POLB: variants seen among roughly 807,000 people sequenced by gnomAD.
POLB encodes DNA polymerase beta.
Under a neutral mutation model 52.7 loss-of-function variants are expected in POLB, and 37 were observed. The ratio of observed to expected loss-of-function variants is 0.70; its 90% confidence interval spans 0.54 to 0.92. The LOEUF is 0.92. Among genes scored for constraint, POLB ranks in the 40% least tolerant of loss-of-function variants. The probability of loss-of-function intolerance (pLI) is 0.00; values close to 1 mark genes in which losing one functional copy is unlikely to be tolerated. For synonymous variants in POLB, 138 were observed against 131.3 expected, an observed-to-expected ratio of 1.05 and a Z score of -0.35; for missense variants, 313 against 400.8, an observed-to-expected ratio of 0.78 and a Z score of 1.87.
intron 7 of POLB, among the ~76,000 whole-genome samples, chr8:42,356,092 G>T (rs1823299654): frequency 6.6e-6 from 1 of 152,154 alleles, no homozygotes; most frequent in Non-Finnish European, 1.5e-5. Flanking sequence ...GATATAGTCT[G>T]GGAACCCCTT....
At chr8:42,354,801 C>A (rs971006978) in intron 6 of POLB, among the ~76,000 whole-genome samples, 4 of 151,972 alleles carry the variant, frequency 2.6e-5, no homozygotes, top group African/African-American at 9.7e-5. Context: ...CTCAGCCTCC[C>A]AAAATGCTGG....
chr8:42,350,052 G>T lies in POLB; in HGVS notation c.307G>T (p.Val103Phe). ...TTCATCCATCAATTTCCTGACTCGA[G>T]TTAGTGGCATTGGGTAAGAACTATT... ...TSSSINFLTR[V>F]SGIGPSAARK... Residue 103 changes from valine to phenylalanine, a missense_variant, in exon 5 of 14, where the codon GTT becomes TTT. This residue lies in a region of POLB where 246 missense variants were observed against 297.6 expected (regional missense o/e 0.83). Transcript: ENST00000265421. 1 of 1,601,810 alleles carries T rather than the reference G, an allele frequency of 6.2e-7. No homozygotes were observed. Among genetic ancestry groups the T allele is most frequent in the South Asian group, 1.1e-5 (1 of 90,830 alleles).
chr8:42,370,367 A>G (rs1056939376), intron 13 of POLB, among the ~76,000 whole-genome samples: 13 of 147,026 alleles, frequency 8.8e-5, no homozygotes, highest in East Asian at 6.1e-4. Flanking sequence ...TTTTAGTGCC[A>G]TGGTATCTTT....
chr8:42,341,131 G>A lies in POLB; in HGVS notation c.119+2062G>A, dbSNP rs141405991. ...CTCCTGCATGCTCCTCCCTACCCCA[G>A]TAGACATTTCTGTTGATTGTGGCCA... On this transcript the variant is annotated intron_variant, in intron 2 of 13. Transcript: ENST00000265421. Among the ~76,000 whole-genome samples, 4 of 152,326 alleles carry A rather than the reference G, an allele frequency of 2.6e-5. No individual in the cohort carries two copies. In the East Asian group the frequency reaches 7.7e-4, roughly 29 times the overall value.
At chr8:42,359,057 G>T (rs902158134) in intron 9 of POLB, among the ~76,000 whole-genome samples, 6 of 152,000 alleles carry the variant, frequency 3.9e-5, no homozygotes, top group Non-Finnish European at 1.5e-5. Flanking sequence ...CTTTTTTGGG[G>T]TATGTTGTAT....
chr8:42,349,684 G>A (rs924597643), intron 4 of POLB, among the ~76,000 whole-genome samples: 12 of 152,240 alleles, frequency 7.9e-5, no homozygotes, highest in African/African-American at 2.4e-4. Context: ...CACCATACCC[G>A]GCCATCTTTT....
chr8:42,356,885 C>T (rs1823347666), intron 7 of POLB, among the ~76,000 whole-genome samples: 3 of 152,170 alleles, frequency 2.0e-5, no homozygotes. Context: ...TTTATTTACT[C>T]TTGTTACATG....
At chr8:42,340,647 CT>C (rs1822143317) in intron 2 of POLB, among the ~76,000 whole-genome samples, 1 of 152,186 alleles carries the variant, frequency 6.6e-6, no homozygotes, top group Non-Finnish European at 1.5e-5. Context: ...CCATTCTTGA[CT>C]TTGAAATGCC....
chr8:42,345,253 T>C (rs1822537555), intron 3 of POLB, among the ~76,000 whole-genome samples: 1 of 152,214 alleles, frequency 6.6e-6, no homozygotes. Context: ...AATTACAGTT[T>C]TCTTTCTCTC....
intron 1 of POLB, 87 bp downstream of exon 1, chr8:42,338,772 G>A: frequency 7.5e-7 from 1 of 1,338,544 alleles, no homozygotes; most frequent in Non-Finnish European, 1.1e-6. Flanking sequence ...CGACAGTCCA[G>A]TGGGTAGGGT....
At chr8:42,346,384 C>CTT (rs549901516) in intron 3 of POLB, among the ~76,000 whole-genome samples, 2 of 136,998 alleles carry the variant, frequency 1.5e-5, no homozygotes, top group African/African-American at 2.7e-5. Context: ...TTTCTTTTTT[C>CTT]TTTTTTTTTT....
At chr8:42,339,180 G>C (rs967151177) in intron 2 of POLB, 111 bp downstream of exon 2, 2 of 827,154 alleles carry the variant, frequency 2.4e-6, no homozygotes, top group Non-Finnish European at 4.2e-6. Context: ...GCAAGAGCGG[G>C]AAAAAGCAAG....
intron 9 of POLB, 191 bp from the exon 10 acceptor site, chr8:42,361,104 G>A: frequency 1.4e-6 from 1 of 692,904 alleles, no homozygotes; most frequent in South Asian, 1.5e-5. Context: ...AGATTCTGCT[G>A]TCTACATCAA....
At chr8:42,358,408 A>G (rs1823465169) in intron 9 of POLB, among the ~76,000 whole-genome samples, 1 of 152,106 alleles carries the variant, frequency 6.6e-6, no homozygotes, top group African/African-American at 2.4e-5. Context: ...CGGCTGAGGC[A>G]GGAGAATGGC....
At chr8:42,345,154 T>A in intron 3 of POLB, 135 bp downstream of exon 3, 1 of 642,556 alleles carries the variant, frequency 1.6e-6, no homozygotes, top group Non-Finnish European at 2.8e-6. Context: ...TTTCTTGGAA[T>A]AACATTCATG....
In POLB at chr8:42,369,265, T is replaced by C. The variant is rs368384767; in HGVS notation, c.709-6T>C. 1.3e-6 allele frequency: 2 copies of C among 1,542,666 alleles called. No individual in the cohort carries two copies. The highest frequency in any genetic ancestry group is 2.7e-5 in the African/African-American group (2 of 73,560). On this transcript the variant is annotated splice_polypyrimidine_tract_variant and splice_region_variant and intron_variant, in intron 11 of 13. Transcript: ENST00000265421. ...CTTTAAACTTGGTTTAAAATGTTCA[T>C]TTTAGGGTGTTTGCCAGCTTCCCAG...
chr8:42,369,786 T>C, intron 12 of POLB, 63 bp from the exon 13 acceptor site: 1 of 1,066,784 alleles, frequency 9.4e-7, no homozygotes, highest in East Asian at 2.4e-5. Flanking sequence ...ATTTTAGGAG[T>C]CCTATATTTG....
At chr8:42,343,060 C>T (rs550015247) in intron 2 of POLB, among the ~76,000 whole-genome samples, 4 of 151,866 alleles carry the variant, frequency 2.6e-5, no homozygotes, top group East Asian at 1.9e-4. Flanking sequence ...CAGTGGCTAA[C>T]GCCTGTAATC....
chr8:42,361,510 G>A (rs1823684180), intron 10 of POLB, 145 bp downstream of exon 10: 6 of 635,074 alleles, frequency 9.4e-6, no homozygotes, highest in East Asian at 2.7e-5. Context: ...TGAATTCTGC[G>A]AAAGGCAAAT....
Sources: gnomAD v4.1 joint callset for allele counts (sites outside exome capture counted in the v4.1 genomes callset) on GRCh38, gnomAD v4.1.1 for gene constraint, gnomAD v4.1.1 regional missense constraint, MANE v1.5 for transcripts, NCBI Gene and HGNC (gene_info 2026-07-23, HGNC 2026-07-21) for gene names.